The following C5orf34 variants were observed in gnomAD, a reference collection of about 807,000 sequenced individuals.
The protein encoded by C5orf34 is chromosome 5 open reading frame 34.
C5orf34 carries 73 observed loss-of-function variants against 78.4 expected under a neutral mutation model. The observed-to-expected ratio is 0.93, with a 90% CI of 0.77 to 1.13. The LOEUF is 1.13. Ranked by LOEUF, C5orf34 falls within the 50% of genes most tolerant of loss-of-function variation. The pLI, the probability that C5orf34 is intolerant of heterozygous loss-of-function variation, is 0.00. For synonymous variants in C5orf34, 251 were observed against 246.6 expected (o/e 1.02, Z -0.17); for missense variants, 730 against 732.7 (o/e 1.00, Z 0.04).
chr5:43,494,792 T>A (rs1454477396), intron 6 of C5orf34, among the ~76,000 whole-genome samples, 191 bp from the exon 7 acceptor site: 2 of 152,186 alleles, frequency 1.3e-5, no homozygotes, highest in Admixed American at 1.3e-4. Flanking sequence ...TCATTAAACT[T>A]TTTTAACAGG....
At chr5:43,513,613 CCTACTT>C (rs1746365033) in intron 1 of C5orf34, among the ~76,000 whole-genome samples, 1 of 152,258 alleles carries the variant, frequency 6.6e-6, no homozygotes, top group Admixed American at 6.5e-5. Flanking sequence ...TCAACTCTCT[CCTACTT>C]CTACAGGGCA....
At chr5:43,487,144 A>G in intron 12 of C5orf34, 33 bp from the exon 13 acceptor site, 1 of 1,030,648 alleles carries the variant, frequency 9.7e-7, no homozygotes, top group African/African-American at 1.7e-5. Context: ...TTTTCCCCAC[A>G]TTTTTCACTA....
At position 43,505,753 on chromosome 5, in the gene C5orf34, T is replaced by C; in HGVS notation, c.927A>G (p.Leu309=). Residue 309 remains leucine (L), a synonymous_variant, in exon 4 of 13, where the codon CTA becomes CTG. Transcript: ENST00000306862. ...ALSLSCPVPH[L]HRWNFCDSLL... ...AATAGCCATTACTGCATTACCTGTG[T>C]AGGTGTGGGACTGGACAGCTGAGTG... 6.4e-7 allele frequency: 1 copy of C among 1,562,534 alleles called. No individual in the cohort carries two copies. The highest frequency in any genetic ancestry group is 2.3e-5 in the East Asian group (1 of 44,432).
rs746736301 is a variant in C5orf34, at chr5:43,506,370, C to T, written c.310G>A (p.Val104Met). The T allele has an allele frequency of 1.9e-6, 3 of 1,607,768 alleles. No individual in the cohort carries two copies. Among genetic ancestry groups the T allele is most frequent in the South Asian group, 1.1e-5 (1 of 90,028 alleles). ...TCTGTATCAAGACTGGGCCATCTCA[C>T]TTCTGTTATGTCAATGAAGATATGC... Reference protein sequence around the residue: ...KKHIFIDITEVRWPSLDTDGT... With the variant: ...KKHIFIDITEMRWPSLDTDGT... Residue 104 changes from valine to methionine, a missense_variant, in exon 4 of 13, where the codon GTG becomes ATG. Val to Met is a conservative substitution (Grantham distance 21). Coordinates refer to ENST00000306862, the MANE Select transcript of C5orf34 (RefSeq NM_198566.4).
chr5:43,502,825 C>G (rs1373774083), intron 5 of C5orf34, among the ~76,000 whole-genome samples: 6 of 152,164 alleles, frequency 3.9e-5, no homozygotes, highest in Admixed American at 2.6e-4. Context: ...ATGTCTATTG[C>G]ATACGTGTTA....
At chr5:43,491,320 C>T (rs1167291427) in intron 10 of C5orf34, among the ~76,000 whole-genome samples, 1 of 152,038 alleles carries the variant, frequency 6.6e-6, no homozygotes, top group Non-Finnish European at 1.5e-5. Context: ...AATGAATGAG[C>T]ACTTAGACTG....
intron 11 of C5orf34, 69 bp downstream of exon 11, chr5:43,490,562 C>A: frequency 1.0e-6 from 1 of 1,000,102 alleles, no homozygotes; most frequent in Non-Finnish European, 1.5e-6. Flanking sequence ...CTCAGTTTAC[C>A]ATTTGACATT....
chr5:43,492,953 T>C, intron 8 of C5orf34, 63 bp from the exon 9 acceptor site: 1 of 1,197,740 alleles, frequency 8.3e-7, no homozygotes, highest in Non-Finnish European at 1.2e-6. Context: ...TTTAAATGAA[T>C]ATTAATGACT....
Position 43,507,315 on chromosome 5 carries a change from C to T in C5orf34, c.286-921G>A, listed in dbSNP as rs79167065. 9.6e-3 allele frequency among the ~76,000 whole-genome samples: 1,456 copies of T among 152,266 alleles called. 7 individuals carry two copies. The highest frequency in any genetic ancestry group is 0.017 in the Non-Finnish European group (1,158 of 68,022). ...TCAATTCCATTTATGTAAAATCTTA[C>T]GTTTACACAAACTATTGTCAAGAAA... On this transcript the variant is annotated intron_variant, in intron 3 of 12. Transcript: ENST00000306862.
intron 6 of C5orf34, chr5:43,495,253 A>C (rs1233029884): frequency 3.1e-6 from 5 of 1,607,154 alleles, no homozygotes; most frequent in Non-Finnish European, 3.4e-6. Flanking sequence ...GAACCATATC[A>C]ACAATGGCAG....
chr5:43,502,813 C>A (rs373326902), intron 5 of C5orf34, among the ~76,000 whole-genome samples: 1 of 152,188 alleles, frequency 6.6e-6, no homozygotes, highest in Admixed American at 6.5e-5. Context: ...GTCACCAAAG[C>A]AATGTCTATT....
At position 43,509,359 on chromosome 5, in the gene C5orf34, A is replaced by G. The variant is rs753737993; in HGVS notation, c.-20T>C. On this transcript the variant is annotated 5_prime_UTR_variant, in exon 2 of 13. Transcript: ENST00000306862. ...TGCCATTACAACGGCAGGATAAGAT[A>G]TCTTCTAAGTCAAAGACTGAATGAA... 4 of 1,305,224 alleles carry G rather than the reference A, an allele frequency of 3.1e-6. No individual in the cohort carries two copies. Among genetic ancestry groups the G allele is most frequent in the Admixed American group, 5.2e-5 (2 of 38,242 alleles). 80.9% of individuals were successfully genotyped at this position (1,305,224 alleles called of 1,614,324 possible).
At chr5:43,507,054 A>T (rs571586097) in intron 3 of C5orf34, among the ~76,000 whole-genome samples, 2 of 152,326 alleles carry the variant, frequency 1.3e-5, no homozygotes, top group Non-Finnish European at 2.9e-5. Context: ...CAAATAAGGT[A>T]ACATGTAAAA....
chr5:43,502,369 T>C lies in C5orf34; in HGVS notation c.1152+3A>G. The C allele has an allele frequency of 1.9e-6, 3 of 1,611,532 alleles. No homozygotes were observed. Among genetic ancestry groups the C allele is most frequent in the Non-Finnish European group, 2.5e-6 (3 of 1,179,070 alleles). The stretch of plus-strand genomic sequence containing the variant: ...TCTTGAGTTGAGTTCATTGTTGGCT[T>C]ACCTTTCCTGATCCTTCTTGAATAG... On this transcript the variant is annotated splice_donor_region_variant and intron_variant, in intron 6 of 12. Coordinates refer to ENST00000306862, the MANE Select transcript of C5orf34 (RefSeq NM_198566.4).
intron 1 of C5orf34, among the ~76,000 whole-genome samples, chr5:43,510,369 T>A (rs78089949): frequency 0.012 from 1,850 of 152,344 alleles, 39 homozygotes; most frequent in African/African-American, 0.043. Flanking sequence ...AAGTACTATG[T>A]CTTCACCTAT....
At chr5:43,509,121 T>G in intron 2 of C5orf34, 24 bp downstream of exon 2, 2 of 1,591,798 alleles carry the variant, frequency 1.3e-6, no homozygotes, top group Non-Finnish European at 1.7e-6. Flanking sequence ...ACAAAAAAGT[T>G]GTTTACGTGA....
Position 43,509,260 on chromosome 5 carries a change from A to C in C5orf34, c.80T>G (p.Leu27Arg). ...VQYVDGSTLQ[L>R]SPCGSEFLFE... ...TAAAAATTCAGAGCCACAGGGAGAAAGTTGCAATGTGGAACCATCAACATA... is the reference window on the plus strand; with the variant it reads ...TAAAAATTCAGAGCCACAGGGAGAACGTTGCAATGTGGAACCATCAACATA... The change falls in exon 2 of 13, where the codon CTT becomes CGT. Residue 27 changes from leucine to arginine, a missense_variant. Transcript: ENST00000306862. The C allele has an allele frequency of 1.2e-6, 2 of 1,614,096 alleles. No homozygotes were observed. The highest frequency in any genetic ancestry group is 1.6e-4 in the Middle Eastern group (1 of 6,062).
chr5:43,507,968 C>T (rs550905103), intron 3 of C5orf34, among the ~76,000 whole-genome samples: 1 of 151,534 alleles, frequency 6.6e-6, no homozygotes, highest in South Asian at 2.1e-4. Flanking sequence ...GCCCCAGCTA[C>T]TCGGGAGGCT....
At chr5:43,512,854 C>A (rs1439007290) in intron 1 of C5orf34, among the ~76,000 whole-genome samples, 4 of 141,476 alleles carry the variant, frequency 2.8e-5, no homozygotes, top group Non-Finnish European at 4.5e-5. Flanking sequence ...GCAATCTGGG[C>A]TCACTGCAAC....
Sources: gnomAD v4.1 joint callset for allele counts (sites outside exome capture counted in the v4.1 genomes callset) on GRCh38, gnomAD v4.1.1 for gene constraint, MANE v1.5 for transcripts, NCBI Gene and HGNC (gene_info 2026-07-23, HGNC 2026-07-21) for gene names.